DGKB: variants seen among roughly 807,000 people sequenced by gnomAD.
The protein encoded by DGKB is 90 kDa diacylglycerol kinase.
A neutral mutation model predicts 114.3 loss-of-function variants in DGKB; 67 were observed. That is an observed-to-expected ratio of 0.59 (90% confidence interval 0.48 to 0.72). DGKB has a LOEUF of 0.72. Ranked by LOEUF, DGKB falls within the 30% of genes least tolerant of loss-of-function variation. The pLI is 0.00. For synonymous variants in DGKB, 398 were observed against 323.1 expected (o/e 1.23, Z -2.49); for missense variants, 907 against 975.2 (o/e 0.93, Z 0.93).
chr7:14,905,821 T>G (rs1483373756), upstream of DGKB, among the ~76,000 whole-genome samples: 2 of 152,170 alleles, frequency 1.3e-5, no homozygotes, highest in Non-Finnish European at 2.9e-5. Flanking sequence ...TAAAATAACG[T>G]TTGAATACGT....
intron 5 of DGKB, among the ~76,000 whole-genome samples, chr7:14,735,837 A>G (rs920798030): frequency 6.6e-6 from 1 of 152,242 alleles, no homozygotes; most frequent in Non-Finnish European, 1.5e-5. Flanking sequence ...AGCAAGTGAT[A>G]GATAAGGATA....
chr7:14,822,237 A>G (rs1845048536), intron 2 of DGKB, among the ~76,000 whole-genome samples: 2 of 152,130 alleles, frequency 1.3e-5, no homozygotes, highest in Non-Finnish European at 2.9e-5. Flanking sequence ...AGAAATATAC[A>G]TTTGGAAGTC....
At chr7:14,914,403 TCTAA>T (rs1224820165) in intron 1 of DGKB, among the ~76,000 whole-genome samples, 1 of 152,082 alleles carries the variant, frequency 6.6e-6, no homozygotes, top group Non-Finnish European at 1.5e-5. Context: ...AGATACAGAC[TCTAA>T]CTAAGAAGAA....
At chr7:14,234,653 T>A (rs1005279828) in intron 23 of DGKB, among the ~76,000 whole-genome samples, 3 of 152,108 alleles carry the variant, frequency 2.0e-5, no homozygotes, top group Admixed American at 6.6e-5. Context: ...TTTATCACCC[T>A]ATCCAGTTTT....
At chr7:14,419,167 C>T (rs573327464) in intron 21 of DGKB, among the ~76,000 whole-genome samples, 1 of 151,892 alleles carries the variant, frequency 6.6e-6, no homozygotes, top group Non-Finnish European at 1.5e-5. Context: ...AATAAATTCA[C>T]TGTAATTACG....
At chr7:14,641,778 C>CT (rs1332364695) in intron 13 of DGKB, among the ~76,000 whole-genome samples, 1 of 151,570 alleles carries the variant, frequency 6.6e-6, no homozygotes, top group African/African-American at 2.4e-5. Flanking sequence ...ATTTTTAAGA[C>CT]TTTTTGTTAG....
chr7:14,239,054 CTGTT>C (rs1290283662), intron 23 of DGKB, among the ~76,000 whole-genome samples: 1 of 151,928 alleles, frequency 6.6e-6, no homozygotes, highest in Non-Finnish European at 1.5e-5. Flanking sequence ...ACTGCTTTTG[CTGTT>C]TGTTTCCTCT....
chr7:14,866,581 C>G (rs1464761345), intron 1 of DGKB, among the ~76,000 whole-genome samples: 1 of 152,104 alleles, frequency 6.6e-6, no homozygotes, highest in Non-Finnish European at 1.5e-5. Context: ...CTTTTTAGCA[C>G]TGAATAATAT....
intron 23 of DGKB, among the ~76,000 whole-genome samples, chr7:14,310,928 A>C (rs186028818): frequency 2.0e-5 from 3 of 152,238 alleles, no homozygotes; most frequent in African/African-American, 4.8e-5. Context: ...CAAGAGTTTG[A>C]GACTAGCCTG....
rs73070751 is a variant in DGKB at position 14,808,033 on chromosome 7, T to C, written c.70+33161A>G. Among the ~76,000 whole-genome samples the C allele has an allele frequency of 1.5e-3, 233 of 152,166 alleles. 1 individual carries two copies. The Middle Eastern group carries it at 0.017, about 11-fold the overall frequency. On this transcript the variant is annotated intron_variant, in intron 2 of 25. Coordinates refer to ENST00000402815, the MANE Select transcript of DGKB (RefSeq NM_001350709.2). The stretch of plus-strand genomic sequence containing the variant: ...GATGTCATTATAATGACTAAAATAA[T>C]TGTCAACCATTTACAATGTAATATC...
chr7:14,689,210 T>TTTTTATTTA lies in DGKB; in HGVS notation c.712-3849_712-3848insTAAATAAAA, dbSNP rs1356850676. On this transcript the variant is annotated intron_variant, in intron 9 of 25. Coordinates refer to ENST00000402815, the MANE Select transcript of DGKB (RefSeq NM_001350709.2). ...CAGAAACTCCTCTTATTTTTTTTTT[T>TTTTTATTTA]TTTTTTTTTTTTTTGAGAGGAGTCT... is the stretch of plus-strand genomic sequence containing the variant. Among the ~76,000 whole-genome samples, 19 of 127,366 alleles carry TTTTTATTTA rather than the reference T, an allele frequency of 1.5e-4. 1 individual carries two copies. The highest frequency in any genetic ancestry group is 7.1e-4 in the East Asian group (3 of 4,222). The allele number at this position is 127,366 out of a possible 152,430, so 83.6% of individuals were successfully genotyped here.
chr7:14,148,193 G>A lies in DGKB; in HGVS notation c.*938C>T, dbSNP rs1781685444. 1 of 152,500 alleles carries A rather than the reference G, an allele frequency of 6.6e-6. No homozygotes were observed. The highest frequency in any genetic ancestry group is 2.4e-5 in the African/African-American group (1 of 41,402). The allele number at this position is 152,500 out of a possible 1,614,324, so 9.4% of individuals were successfully genotyped here. ...GGTGAGAATTTTAATCATAATTAAT[G>A]GGCAACTCACTCGCTTTCCAGCATT... On this transcript the variant is annotated 3_prime_UTR_variant, in exon 26 of 26. Coordinates refer to ENST00000402815, the MANE Select transcript of DGKB (RefSeq NM_001350709.2).
chr7:14,850,922 T>A (rs1317703394), intron 1 of DGKB, among the ~76,000 whole-genome samples: 1 of 152,182 alleles, frequency 6.6e-6, no homozygotes, highest in South Asian at 2.1e-4. Context: ...GTGTAGTGAA[T>A]CATTAAATCT....
chr7:14,643,463 G>A (rs1408200607), intron 13 of DGKB, among the ~76,000 whole-genome samples: 1 of 152,104 alleles, frequency 6.6e-6, no homozygotes, highest in Non-Finnish European at 1.5e-5. Flanking sequence ...TCTGACTTGG[G>A]CCAAATAGCC....
chr7:14,327,867 A>C (rs915572883), intron 23 of DGKB, among the ~76,000 whole-genome samples: 1 of 152,144 alleles, frequency 6.6e-6, no homozygotes, highest in Admixed American at 6.6e-5. Flanking sequence ...TTTTTGCTCA[A>C]TTACTTACTA....
At chr7:14,150,151 G>A (rs1265625166) in intron 25 of DGKB, among the ~76,000 whole-genome samples, 1 of 151,968 alleles carries the variant, frequency 6.6e-6, no homozygotes, top group Admixed American at 6.6e-5. Flanking sequence ...GGCTAGTGAC[G>A]CTAAGAGTTT....
intron 21 of DGKB, among the ~76,000 whole-genome samples, chr7:14,416,508 T>C (rs1825749388): frequency 6.6e-6 from 1 of 152,134 alleles, no homozygotes; most frequent in African/African-American, 2.4e-5. Context: ...AATCTCATCT[T>C]GAATTGTAGC....
chr7:14,580,972 C>T (rs765425216), intron 18 of DGKB, 21 bp from the exon 19 acceptor site: 1 of 1,531,308 alleles, frequency 6.5e-7, no homozygotes, highest in Non-Finnish European at 8.9e-7. Flanking sequence ...AAAAAAAATA[C>T]AAATAAAGAA....
chr7:14,331,288 C>A lies in DGKB; in HGVS notation c.2122+7227G>T, dbSNP rs368232220. Among the ~76,000 whole-genome samples, 6 of 152,052 alleles carry A rather than the reference C, an allele frequency of 3.9e-5. No homozygotes were observed. The East Asian group carries it at 7.7e-4, about 20-fold the overall frequency. ...TCTCAAACGCCATACTATTTTTCAACAGTTTTAACAACCAGGTGTAATAAT... is the reference window on the plus strand; with the variant it reads ...TCTCAAACGCCATACTATTTTTCAAAAGTTTTAACAACCAGGTGTAATAAT... On this transcript the variant is annotated intron_variant, in intron 23 of 25. Transcript: ENST00000402815.
Sources: gnomAD v4.1 joint callset for allele counts (sites outside exome capture counted in the v4.1 genomes callset) on GRCh38, gnomAD v4.1.1 for gene constraint, MANE v1.5 for transcripts, NCBI Gene and HGNC (gene_info 2026-07-23, HGNC 2026-07-21) for gene names.